The following NUP88 variants were observed in gnomAD, a reference collection of about 807,000 sequenced individuals.
NUP88 encodes the protein nuclear pore complex protein Nup88.
NUP88 carries 57 observed loss-of-function variants against 93.9 expected under a neutral mutation model. That is an observed-to-expected ratio of 0.61 (90% CI 0.49 to 0.76). The LOEUF is 0.76. Ranked by LOEUF, NUP88 falls within the 30% of genes least tolerant of loss-of-function variation. The probability of loss-of-function intolerance (pLI) is 0.00; values close to 1 mark genes in which losing one functional copy is unlikely to be tolerated. For missense variants in NUP88, 911 were observed against 901.0 expected (o/e 1.01, Z -0.14); for synonymous variants, 346 against 336.8 (o/e 1.03, Z -0.30).
At chr17:5,417,198 C>T (rs1326241556) in intron 1 of NUP88, among the ~76,000 whole-genome samples, 1 of 152,196 alleles carries the variant, frequency 6.6e-6, no homozygotes, top group African/African-American at 2.4e-5. Flanking sequence ...TTCCCCATCT[C>T]TAAGGTTTTG....
In NUP88 at chr17:5,413,646, A is replaced by G. The variant is rs552401837; in HGVS notation, c.593+363T>C. ...CAACCCCTAAAAAGCTCAAGATCTC[A>G]AAGATAACAGAAAAGGAGGTGGGAC... On this transcript the variant is annotated intron_variant, in intron 3 of 16. Transcript: ENST00000573584. 2.0e-5 allele frequency among the ~76,000 whole-genome samples: 3 copies of G among 152,338 alleles called. No individual in the cohort carries two copies. The South Asian group carries it at 6.2e-4, about 32-fold the overall frequency.
intron 5 of NUP88, among the ~76,000 whole-genome samples, chr17:5,406,914 A>G (rs1597326644): frequency 6.6e-6 from 1 of 152,174 alleles, no homozygotes; most frequent in East Asian, 1.9e-4. Context: ...CGAAAAATTT[A>G]AATCACAAAA....
chr17:5,418,699 C>T (rs1914362868), intron 1 of NUP88, among the ~76,000 whole-genome samples: 1 of 152,188 alleles, frequency 6.6e-6, no homozygotes, highest in South Asian at 2.1e-4. Flanking sequence ...CAACAGATGT[C>T]ATACCTTAGA....
rs550786852 is a variant in NUP88 at position 5,413,871 on chromosome 17, G to A, written c.593+138C>T. 305 of 826,200 alleles carry A rather than the reference G, an allele frequency of 3.7e-4. 7 individuals carry two copies. The South Asian group carries it at 5.3e-3, about 14-fold the overall frequency. The allele number at this position is 826,200 out of a possible 1,614,324, so 51.2% of individuals were successfully genotyped here. A position where few individuals can be genotyped will look rare whatever the true frequency, so the allele number is the denominator to read the frequency against. Reference sequence around the variant, plus strand: ...GCAGTTAGGCAATTCTTATGATTGAGAATGGGTTACAACAGCCATCCAATA... The same window carrying A: ...GCAGTTAGGCAATTCTTATGATTGAAAATGGGTTACAACAGCCATCCAATA... On this transcript the variant is annotated intron_variant, in intron 3 of 16. Coordinates refer to ENST00000573584, the MANE Select transcript of NUP88 (RefSeq NM_002532.6).
At position 5,387,810 on chromosome 17, in the gene NUP88, G is replaced by C. The variant is rs199564216; in HGVS notation, c.1738C>G (p.Gln580Glu). The change falls in exon 12 of 17, where the codon CAG (glutamine) becomes GAG (glutamate). Residue 580 changes from glutamine (Q) to glutamate (E), a missense_variant. Physicochemically the swap from Gln to Glu is conservative, Grantham distance 29. Coordinates refer to ENST00000573584, the MANE Select transcript of NUP88 (RefSeq NM_002532.6). ...QVFREQYILK[Q>E]DLAKEEIQRR... ...TGAATCTCCTCCTTTGCCAAGTCCT[G>C]TTTGAGAATGTACTGCTCTCTGAAC... 1.4e-5 allele frequency: 23 copies of C among 1,613,104 alleles called. No homozygotes were observed. The Admixed American group carries it at 2.8e-4, about 20-fold the overall frequency.
chr17:5,398,912 G>A (rs867444450), intron 8 of NUP88, among the ~76,000 whole-genome samples: 149 of 120,082 alleles, frequency 1.2e-3, no homozygotes, highest in African/African-American at 4.4e-3. Context: ...TTTTTGAGAC[G>A]GAGTCTCGCT....
chr17:5,414,084 A>G lies in NUP88; in HGVS notation c.518T>C (p.Leu173Pro). The change falls in exon 3 of 17, where the codon CTA becomes CCA. Residue 173 changes from leucine (L) to proline (P), a missense_variant. Transcript: ENST00000573584. ...RFFTSSTSLT[L>P]KHAAWYPSEI... ...ACTTGGATACCATGCAGCATGCTTT[A>G]GAGTCAGAGAGGTGGAACTGGTGAA... 1 of 1,613,800 alleles carries G rather than the reference A, an allele frequency of 6.2e-7. No homozygotes were observed.
At position 5,387,090 on chromosome 17, in the gene NUP88, CTG is replaced by C. The variant is rs1567563143; in HGVS notation, c.1935_1936del (p.His645GlnfsTer5). ...GAGAACTGGGAGCTCAGAGTGAAAA[CTG>C]TGAAGTAGTTTTTTCATCCTTTAGA... On this transcript the variant is annotated frameshift_variant, in exon 15 of 17. Transcript: ENST00000573584. LOFTEE classifies it high-confidence loss of function. The C allele has an allele frequency of 1.2e-6, 2 of 1,613,828 alleles. No homozygotes were observed. Among genetic ancestry groups the C allele is most frequent in the Non-Finnish European group, 1.7e-6 (2 of 1,179,938 alleles).
intron 7 of NUP88, 100 bp downstream of exon 7, chr17:5,403,999 G>T: frequency 7.9e-7 from 1 of 1,269,376 alleles, no homozygotes; most frequent in Non-Finnish European, 1.1e-6. Context: ...ACTTTTTAAA[G>T]GCTGGAACCA....
intron 8 of NUP88, among the ~76,000 whole-genome samples, chr17:5,399,128 T>G (rs139132791): frequency 6.6e-6 from 1 of 151,302 alleles, no homozygotes; most frequent in Admixed American, 6.6e-5. Context: ...CCTGATTTTG[T>G]GATCCACCCA....
chr17:5,414,848 T>C (rs62072675), intron 2 of NUP88, among the ~76,000 whole-genome samples: 66,046 of 151,362 alleles, frequency 0.44, 15,150 homozygotes, highest in East Asian at 0.84. Context: ...ACCCAGGAGG[T>C]GGAGGCTGCA....
At chr17:5,403,515 G>C (rs1280315658) in intron 7 of NUP88, among the ~76,000 whole-genome samples, 2 of 151,954 alleles carry the variant, frequency 1.3e-5, no homozygotes, top group African/African-American at 4.8e-5. Flanking sequence ...ATAAAAATTA[G>C]CCAGGCATGG....
Position 5,388,889 on chromosome 17 carries a change from AGG to A in NUP88, c.1554_1555del (p.Leu519ProfsTer5), listed in dbSNP as rs1207261789. Reference sequence around the variant, plus strand: ...ATCTGGGGTTTCAGCCAGAACACGGAGGGGAGACTCTGCCACTTCAACATCTT... The same window carrying A: ...ATCTGGGGTTTCAGCCAGAACACGGAGGAGACTCTGCCACTTCAACATCTT... On this transcript the variant is annotated frameshift_variant, in exon 11 of 17. Transcript: ENST00000573584. LOFTEE classifies it high-confidence loss of function. The A allele has an allele frequency of 1.9e-6, 3 of 1,613,900 alleles. No homozygotes were observed. Among genetic ancestry groups the A allele is most frequent in the Non-Finnish European group, 2.5e-6 (3 of 1,179,932 alleles).
chr17:5,408,693 A>T (rs1162738063), intron 5 of NUP88, 40 bp downstream of exon 5: 1 of 1,504,758 alleles, frequency 6.6e-7, no homozygotes, highest in African/African-American at 1.4e-5. Flanking sequence ...TGGAGCCCAA[A>T]CTGAGTTTTC....
At chr17:5,416,832 ATT>A (rs11391160) in intron 1 of NUP88, 150 bp from the exon 2 acceptor site, 2,854 of 385,008 alleles carry the variant, frequency 7.4e-3, no homozygotes, top group Non-Finnish European at 8.7e-3. Context: ...TAACTCACAA[ATT>A]TTTTTTTTTT....
At chr17:5,389,060 T>TCTG in intron 10 of NUP88, 100 bp from the exon 11 acceptor site, 1 of 915,390 alleles carries the variant, frequency 1.1e-6, no homozygotes, top group East Asian at 2.9e-5. Flanking sequence ...GAATATAAAA[T>TCTG]AAAGTGTAAC....
intron 7 of NUP88, among the ~76,000 whole-genome samples, chr17:5,402,988 A>T (rs1913261024): frequency 6.6e-6 from 1 of 151,594 alleles, no homozygotes; most frequent in South Asian, 2.1e-4. Flanking sequence ...AGATCATATC[A>T]CACACACACA....
Position 5,419,525 on chromosome 17 carries a change from TG to T in NUP88, c.125del (p.Pro42GlnfsTer15). On this transcript the variant is annotated frameshift_variant, in exon 1 of 17. Transcript: ENST00000573584. LOFTEE classifies it high-confidence loss of function. ...GCGACGAAGGCAACGACGAAGAAGC[TG>T]GTTTCTCAGCTTCGGTTGGACTCTG... ...KNQSPTEAEK[P>X]ASSSLPSSPP... 6.2e-7 allele frequency: 1 copy of T among 1,613,884 alleles called. No individual in the cohort carries two copies. Among genetic ancestry groups the T allele is most frequent in the Non-Finnish European group, 8.5e-7 (1 of 1,179,858 alleles).
intron 6 of NUP88, 87 bp from the exon 7 acceptor site, chr17:5,404,333 C>T: frequency 7.2e-7 from 1 of 1,395,438 alleles, no homozygotes; most frequent in Non-Finnish European, 1.0e-6. Flanking sequence ...TGGGTCAGGG[C>T]CGGGTGCGGC....
Sources: gnomAD v4.1 joint callset for allele counts (sites outside exome capture counted in the v4.1 genomes callset) on GRCh38, gnomAD v4.1.1 for gene constraint, MANE v1.5 for transcripts, NCBI Gene and HGNC (gene_info 2026-07-23, HGNC 2026-07-21) for gene names.